RNLS: variants seen among roughly 807,000 people sequenced by gnomAD.
The protein encoded by RNLS is renalase, FAD dependent amine oxidase.
A neutral mutation model predicts 39.8 loss-of-function variants in RNLS; 39 were observed. The observed-to-expected ratio is 0.98, with a 90% CI of 0.76 to 1.28. The LOEUF is 1.28. Among genes scored for constraint, RNLS ranks in the 50% most tolerant of loss-of-function variants. The pLI is 0.00. For missense variants in RNLS, 410 were observed against 413.3 expected (o/e 0.99, Z 0.07); for synonymous variants, 147 against 150.7 (o/e 0.98, Z 0.18).
exon 7 of RNLS, chr10:88,274,642 G>T (rs751290814): frequency 4.0e-6 from 1 of 252,134 alleles, no homozygotes; most frequent in Non-Finnish European, 8.0e-6. Flanking sequence ...GAATAAAGCC[G>T]CTGTGAACAT....
intron 4 of RNLS, among the ~76,000 whole-genome samples, chr10:88,527,181 T>C: frequency 6.6e-6 from 1 of 152,144 alleles, no homozygotes; most frequent in East Asian, 1.9e-4. Context: ...ACAGACATAA[T>C]GGAGAGGCAC....
At chr10:88,523,954 T>C (rs570598267) in intron 4 of RNLS, among the ~76,000 whole-genome samples, 59 of 152,256 alleles carry the variant, frequency 3.9e-4, no homozygotes, top group Middle Eastern at 6.8e-3. Flanking sequence ...AGCTGTAACA[T>C]TGAACAATAT....
chr10:88,276,573 G>A (rs979836546), intron 6 of RNLS, among the ~76,000 whole-genome samples: 4 of 152,024 alleles, frequency 2.6e-5, no homozygotes, highest in African/African-American at 4.8e-5. Context: ...TATTGATTCA[G>A]TTATCACATT....
At chr10:88,423,963 G>C (rs1854557884) in intron 4 of RNLS, among the ~76,000 whole-genome samples, 1 of 152,166 alleles carries the variant, frequency 6.6e-6, no homozygotes. Flanking sequence ...CTCACTGTGT[G>C]ACCTAGGGAC....
the RNLS span, among the ~76,000 whole-genome samples, chr10:88,189,048 G>A: frequency 1.1e-4 from 17 of 152,132 alleles, no homozygotes; most frequent in East Asian, 5.8e-4. Context: ...CAGTTTTCTC[G>A]TTTCAAAAAT....
At chr10:88,198,021 C>T in the RNLS span, among the ~76,000 whole-genome samples, 2 of 152,206 alleles carry the variant, frequency 1.3e-5, no homozygotes, top group African/African-American at 4.8e-5. Flanking sequence ...ATACTATCAT[C>T]TCCATTTTCC....
intron 5 of RNLS, among the ~76,000 whole-genome samples, chr10:88,321,449 G>T (rs1846175835): frequency 6.6e-6 from 1 of 151,932 alleles, no homozygotes; most frequent in Non-Finnish European, 1.5e-5. Flanking sequence ...AATTAACAAA[G>T]ATCAGAGCAG....
At chr10:88,274,300 T>A (rs184729853) in exon 7 of RNLS, 1 of 152,422 alleles carries the variant, frequency 6.6e-6, no homozygotes, top group Non-Finnish European at 1.5e-5. Flanking sequence ...TCTCCAGAAC[T>A]TTTTACCTTC....
At chr10:88,463,399 T>C (rs1244575256) in intron 4 of RNLS, among the ~76,000 whole-genome samples, 9 of 152,010 alleles carry the variant, frequency 5.9e-5, no homozygotes, top group Non-Finnish European at 1.5e-5. Context: ...AGTAGATTTT[T>C]CCCCAAAATC....
chr10:88,470,777 G>A (rs555122459), intron 4 of RNLS, among the ~76,000 whole-genome samples: 17 of 151,930 alleles, frequency 1.1e-4, no homozygotes, highest in East Asian at 7.7e-4. Context: ...TACCATGCCC[G>A]GCTAATTTTT....
the RNLS span, among the ~76,000 whole-genome samples, chr10:88,208,745 A>G: frequency 5.3e-5 from 8 of 152,168 alleles, no homozygotes; most frequent in African/African-American, 1.7e-4. Flanking sequence ...TAAAAACCAT[A>G]TAACTACACA....
At chr10:88,295,238 T>TG (rs1442795765) in intron 6 of RNLS, among the ~76,000 whole-genome samples, 1 of 152,154 alleles carries the variant, frequency 6.6e-6, no homozygotes, top group Non-Finnish European at 1.5e-5. Context: ...AATGATAAAT[T>TG]GGGGTGCTGA....
At chr10:88,424,365 A>G (rs1389593888) in intron 4 of RNLS, among the ~76,000 whole-genome samples, 1 of 152,228 alleles carries the variant, frequency 6.6e-6, no homozygotes, top group Non-Finnish European at 1.5e-5. Context: ...ACACTGGATA[A>G]AGGAAATAAT....
the RNLS span, among the ~76,000 whole-genome samples, chr10:88,210,455 G>C: frequency 6.6e-6 from 1 of 152,146 alleles, no homozygotes; most frequent in Admixed American, 6.6e-5. Context: ...TGCAGAGCGA[G>C]GCTTGGGAAT....
chr10:88,172,434 T>A, the RNLS span, among the ~76,000 whole-genome samples: 2 of 151,938 alleles, frequency 1.3e-5, no homozygotes, highest in African/African-American at 4.9e-5. Context: ...TCAGTGATGT[T>A]AAGCATTTTT....
intron 4 of RNLS, among the ~76,000 whole-genome samples, chr10:88,464,768 G>A (rs916323783): frequency 1.3e-5 from 2 of 150,440 alleles, no homozygotes; most frequent in Admixed American, 6.6e-5. Context: ...AAAAAAAAAT[G>A]TGCACACTAC....
chr10:88,285,588 G>GT, intron 6 of RNLS, 82 bp from the exon 7 acceptor site: 3 of 1,195,428 alleles, frequency 2.5e-6, no homozygotes, highest in Non-Finnish European at 3.6e-6. Flanking sequence ...GAAAAGGTTA[G>GT]TCTACCTGGA....
At chr10:88,343,486 G>T in intron 5 of RNLS, 3 of 895,886 alleles carry the variant, frequency 3.3e-6, no homozygotes, top group Non-Finnish European at 4.0e-6. Flanking sequence ...AGCCAGTGAT[G>T]AACGTAAGTT....
the RNLS span, among the ~76,000 whole-genome samples, chr10:88,191,585 G>A: frequency 1.3e-5 from 2 of 152,194 alleles, no homozygotes; most frequent in African/African-American, 4.8e-5. Context: ...GAAACCAAAT[G>A]CAGGGATTAG....
Sources: allele counts gnomAD v4.1 joint callset (sites outside exome capture counted in the v4.1 genomes callset), GRCh38; gene constraint gnomAD v4.1.1; transcripts MANE v1.5; gene names NCBI Gene and HGNC (gene_info 2026-07-23, HGNC 2026-07-21).